The following MAGI2 variants were observed in gnomAD, a reference collection of about 807,000 sequenced individuals.
The protein encoded by MAGI2 is membrane-associated guanylate kinase, WW and PDZ domain-containing protein 2.
In MAGI2, 35 loss-of-function variants were observed where a neutral mutation model predicts 133.3. The ratio of observed to expected loss-of-function variants is 0.26; its 90% CI spans 0.20 to 0.35. The LOEUF (loss-of-function observed/expected upper bound fraction) is 0.35. Ranked by LOEUF, MAGI2 falls within the 10% of genes least tolerant of loss-of-function variation. MAGI2 has a pLI of 1.00. For synonymous variants in MAGI2, 729 were observed against 710.6 expected (o/e 1.03, Z -0.41); for missense variants, 1,636 against 1,863.4 (o/e 0.88, Z 2.25).
intron 10 of MAGI2, among the ~76,000 whole-genome samples, chr7:78,215,680 A>T (rs78573562): frequency 2.0e-5 from 3 of 152,268 alleles, no homozygotes; most frequent in East Asian, 1.9e-4. Context: ...GCAGGAAATC[A>T]TCTTTATTGA....
At chr7:78,887,829 AT>A (rs1796388288) in intron 2 of MAGI2, among the ~76,000 whole-genome samples, 1 of 152,218 alleles carries the variant, frequency 6.6e-6, no homozygotes. Flanking sequence ...TGATTTCTGC[AT>A]TTACAACTGA....
intron 3 of MAGI2, among the ~76,000 whole-genome samples, chr7:78,548,826 T>TA (rs1249042273): frequency 3.3e-5 from 5 of 152,256 alleles, no homozygotes; most frequent in Non-Finnish European, 1.5e-5. Context: ...GGGACAATTA[T>TA]TTTTTCTTTG....
intron 9 of MAGI2, among the ~76,000 whole-genome samples, chr7:78,299,462 A>T (rs918631348): frequency 2.6e-5 from 4 of 152,226 alleles, no homozygotes; most frequent in African/African-American, 9.6e-5. Flanking sequence ...CTTAGTTTAA[A>T]GTAGATACAA....
intron 16 of MAGI2, among the ~76,000 whole-genome samples, chr7:78,135,651 T>C (rs943273459): frequency 3.3e-5 from 5 of 152,202 alleles, no homozygotes; most frequent in African/African-American, 9.7e-5. Context: ...CAATAATCAA[T>C]AATTTAAGAA....
At chr7:78,262,650 CTTATTCATTAAT>C (rs890549216) in intron 9 of MAGI2, among the ~76,000 whole-genome samples, 47 of 152,200 alleles carry the variant, frequency 3.1e-4, no homozygotes, top group African/African-American at 1.1e-3. Context: ...TTATTCCTCA[CTTATTCATTAAT>C]TTATTCAGCA....
At chr7:79,184,655 A>T (rs945562023) in intron 1 of MAGI2, among the ~76,000 whole-genome samples, 7 of 151,758 alleles carry the variant, frequency 4.6e-5, no homozygotes, top group Non-Finnish European at 1.0e-4. Flanking sequence ...GACTCTTTCT[A>T]AGCTATTAGA....
intron 2 of MAGI2, among the ~76,000 whole-genome samples, chr7:78,747,113 TA>T (rs1258512987): frequency 1.3e-5 from 2 of 152,178 alleles, no homozygotes; most frequent in African/African-American, 4.8e-5. Context: ...TCACTATGCT[TA>T]AATTGGGCAG....
chr7:78,605,483 C>T (rs766189719), intron 3 of MAGI2, among the ~76,000 whole-genome samples: 3 of 152,090 alleles, frequency 2.0e-5, no homozygotes, highest in Non-Finnish European at 4.4e-5. Flanking sequence ...TTAATCTAAC[C>T]ACACCATGAA....
chr7:78,857,017 G>A (rs1279820408), intron 2 of MAGI2, among the ~76,000 whole-genome samples: 2 of 152,132 alleles, frequency 1.3e-5, no homozygotes, highest in Admixed American at 6.5e-5. Context: ...TGAAGCAATT[G>A]TGAATGGGAG....
chr7:79,067,958 C>T (rs985011766), intron 1 of MAGI2, among the ~76,000 whole-genome samples: 2 of 152,108 alleles, frequency 1.3e-5, no homozygotes, highest in Non-Finnish European at 2.9e-5. Context: ...ATGAAGCCAA[C>T]TTGATCTTGG....
intron 1 of MAGI2, among the ~76,000 whole-genome samples, chr7:79,416,236 T>C (rs1274867759): frequency 2.5e-4 from 38 of 152,062 alleles, no homozygotes; most frequent in Admixed American, 2.5e-3. Context: ...TAAATAAAAC[T>C]AGAAATATTA....
At chr7:79,183,314 A>G (rs777878773) in intron 1 of MAGI2, among the ~76,000 whole-genome samples, 1 of 151,904 alleles carries the variant, frequency 6.6e-6, no homozygotes. Flanking sequence ...CATGGACCCC[A>G]TAAACATATG....
chr7:79,074,349 G>A (rs1815269917), intron 1 of MAGI2, among the ~76,000 whole-genome samples: 1 of 152,152 alleles, frequency 6.6e-6, no homozygotes, highest in Non-Finnish European at 1.5e-5. Flanking sequence ...TGAACCCACA[G>A]TGAATTAACT....
intron 1 of MAGI2, among the ~76,000 whole-genome samples, chr7:79,316,108 A>T (rs1441881123): frequency 6.6e-6 from 1 of 151,988 alleles, no homozygotes. Context: ...TTCAAAAAGG[A>T]TGGGGGGCCA....
intron 21 of MAGI2, among the ~76,000 whole-genome samples, chr7:78,046,317 G>A (rs953974435): frequency 5.9e-5 from 9 of 151,438 alleles, no homozygotes; most frequent in Non-Finnish European, 1.3e-4. Context: ...CAGCAGAATC[G>A]CTTGAGCCCG....
chr7:78,283,653 G>C (rs1213780200), intron 9 of MAGI2, among the ~76,000 whole-genome samples: 3 of 152,024 alleles, frequency 2.0e-5, no homozygotes, highest in Admixed American at 6.6e-5. Context: ...TTTCATGGGA[G>C]AGAATGGCTA....
chr7:78,974,041 T>C (rs926136766), intron 2 of MAGI2, among the ~76,000 whole-genome samples: 7 of 151,792 alleles, frequency 4.6e-5, no homozygotes, highest in African/African-American at 1.5e-4. Context: ...TCTCAAAAAA[T>C]AAAACTCTTT....
chr7:78,022,524 T>C (rs1042479609), intron 21 of MAGI2, among the ~76,000 whole-genome samples: 10 of 152,252 alleles, frequency 6.6e-5, no homozygotes, highest in Non-Finnish European at 1.2e-4. Context: ...AATTTGGGTT[T>C]CTTTACTCTT....
At chr7:78,641,245 A>G (rs992524282) in intron 2 of MAGI2, among the ~76,000 whole-genome samples, 2 of 152,176 alleles carry the variant, frequency 1.3e-5, no homozygotes, top group Non-Finnish European at 2.9e-5. Flanking sequence ...AATATAGTAC[A>G]TATGTTTAAC....
Sources: gnomAD v4.1 joint callset for allele counts (sites outside exome capture counted in the v4.1 genomes callset) on GRCh38, gnomAD v4.1.1 for gene constraint, MANE v1.5 for transcripts, NCBI Gene and HGNC (gene_info 2026-07-23, HGNC 2026-07-21) for gene names.